RNASEH2B: variants seen among roughly 807,000 people sequenced by gnomAD.
The protein encoded by RNASEH2B is Aicardi-Goutieres syndrome 2 protein.
RNASEH2B carries 36 observed loss-of-function variants against 45.0 expected under a neutral mutation model. The ratio of observed to expected loss-of-function variants is 0.80; its 90% confidence interval spans 0.61 to 1.06. RNASEH2B has a LOEUF of 1.06. RNASEH2B is among the 50% of genes least tolerant of loss of function. The pLI, the probability that RNASEH2B is intolerant of heterozygous loss-of-function variation, is 0.00. For missense variants in RNASEH2B, 361 were observed against 360.3 expected (o/e 1.00, Z -0.02); for synonymous variants, 119 against 125.7 (o/e 0.95, Z 0.35).
downstream of RNASEH2B, chr13:50,959,948 T>C (rs1334296481): frequency 3.1e-6 from 1 of 324,356 alleles, no homozygotes; most frequent in African/African-American, 2.1e-5. Flanking sequence ...GATGCATAAC[T>C]TACTTTGGGA....
At chr13:50,918,775 A>G (rs1373866670) in intron 1 of RNASEH2B, among the ~76,000 whole-genome samples, 1 of 152,224 alleles carries the variant, frequency 6.6e-6, no homozygotes, top group Non-Finnish European at 1.5e-5. Context: ...GCAAACAGGC[A>G]GGAGGGTGCC....
At chr13:50,943,725 C>T (rs892298852) in intron 6 of RNASEH2B, among the ~76,000 whole-genome samples, 1 of 152,122 alleles carries the variant, frequency 6.6e-6, no homozygotes, top group Non-Finnish European at 1.5e-5. Flanking sequence ...ACTGTCAGTC[C>T]TGCAGGTGTC....
chr13:50,924,695 A>G (rs973520945), intron 1 of RNASEH2B, among the ~76,000 whole-genome samples: 3 of 152,016 alleles, frequency 2.0e-5, no homozygotes, highest in African/African-American at 7.2e-5. Flanking sequence ...AGTAGCTGGG[A>G]CTACGGGCAC....
chr13:50,925,315 C>A (rs754786849), intron 1 of RNASEH2B, among the ~76,000 whole-genome samples: 7 of 152,010 alleles, frequency 4.6e-5, no homozygotes, highest in Middle Eastern at 3.4e-3. Flanking sequence ...TATTAATACC[C>A]CTCTTTCAGT....
chr13:50,917,854 A>G (rs1159129698), intron 1 of RNASEH2B, among the ~76,000 whole-genome samples: 1 of 152,186 alleles, frequency 6.6e-6, no homozygotes, highest in Non-Finnish European at 1.5e-5. Context: ...CTTCCCTGGA[A>G]CCAAACCTGG....
chr13:50,937,870 C>T (rs1951776950), intron 5 of RNASEH2B: 1 of 152,158 alleles, frequency 6.6e-6, no homozygotes, highest in African/African-American at 2.4e-5. Context: ...ACAATCTTCC[C>T]CCAAGACTGG....
At chr13:50,946,039 T>A (rs745342094) in intron 7 of RNASEH2B, among the ~76,000 whole-genome samples, 12 of 152,234 alleles carry the variant, frequency 7.9e-5, no homozygotes, top group Non-Finnish European at 1.8e-4. Flanking sequence ...TGCATCTGTT[T>A]GCATTTTCTT....
chr13:50,968,893 C>G (rs1286845346), intron 9 of RNASEH2B, among the ~76,000 whole-genome samples: 1 of 152,172 alleles, frequency 6.6e-6, no homozygotes, highest in Non-Finnish European at 1.5e-5. Context: ...ATGAAATTTA[C>G]AGAGAAATCA....
chr13:50,937,860 A>G (rs1327702115), intron 5 of RNASEH2B: 1 of 152,238 alleles, frequency 6.6e-6, no homozygotes, highest in Non-Finnish European at 1.5e-5. Context: ...AAGACTGAAC[A>G]CAATCTTCCC....
downstream of RNASEH2B, among the ~76,000 whole-genome samples, chr13:50,961,738 G>A (rs560912397): frequency 1.1e-4 from 16 of 152,090 alleles, no homozygotes; most frequent in South Asian, 3.3e-3. Context: ...TGTACAACAT[G>A]TACACACACA....
intron 3 of RNASEH2B, chr13:50,930,024 C>G: frequency 4.0e-6 from 1 of 250,532 alleles, no homozygotes. Context: ...TGCCCACCTG[C>G]TCCCCCACCC....
chr13:50,912,365 T>C (rs1450472124), intron 1 of RNASEH2B: 1 of 152,194 alleles, frequency 6.6e-6, no homozygotes, highest in African/African-American at 2.4e-5. Context: ...AGAATGTGCA[T>C]TGGTAACAAG....
downstream of RNASEH2B, among the ~76,000 whole-genome samples, chr13:50,957,566 G>T (rs2138030445): frequency 6.6e-6 from 1 of 152,236 alleles, no homozygotes; most frequent in South Asian, 2.1e-4. Context: ...GAACATACAG[G>T]TGCATGTATC....
chr13:50,911,213 C>A (rs1879369336), intron 1 of RNASEH2B: 1 of 152,196 alleles, frequency 6.6e-6, no homozygotes, highest in Non-Finnish European at 1.5e-5. Flanking sequence ...ACCTCTGTCA[C>A]CAGAGATTAG....
At chr13:50,960,306 A>G (rs1434363421), downstream of RNASEH2B, 14 of 352,164 alleles carry the variant, frequency 4.0e-5, no homozygotes, top group African/African-American at 6.3e-5. Context: ...TAAAAATTGC[A>G]TGCAATTCTT....
chr13:50,925,693 G>T (rs768883170), intron 1 of RNASEH2B, among the ~76,000 whole-genome samples: 2 of 152,096 alleles, frequency 1.3e-5, no homozygotes, highest in African/African-American at 2.4e-5. Context: ...CTGCTCCCTC[G>T]AATCTGTTTA....
intron 5 of RNASEH2B, chr13:50,937,207 T>C (rs990268969): frequency 6.2e-5 from 9 of 144,872 alleles, no homozygotes; most frequent in African/African-American, 2.3e-4. Flanking sequence ...AAGAAAAAGA[T>C]TTTTATTTTT....
chr13:50,949,642 G>C, intron 9 of RNASEH2B, 137 bp downstream of exon 9: 1 of 758,118 alleles, frequency 1.3e-6, no homozygotes, highest in Non-Finnish European at 2.3e-6. Context: ...GTGGAATAAA[G>C]ATTGTACTGG....
chr13:50,938,195 G>T (rs1951783170), intron 5 of RNASEH2B: 1 of 152,060 alleles, frequency 6.6e-6, no homozygotes, highest in Admixed American at 6.5e-5. Context: ...TAACATTCTA[G>T]TGCTAAATGT....
Sources: gnomAD v4.1 joint callset for allele counts (sites outside exome capture counted in the v4.1 genomes callset) on GRCh38, gnomAD v4.1.1 for gene constraint, MANE v1.5 for transcripts, NCBI Gene and HGNC (gene_info 2026-07-23, HGNC 2026-07-21) for gene names.